POLR1A: variants seen among roughly 807,000 people sequenced by gnomAD.
POLR1A encodes DNA-directed RNA polymerase I subunit RPA1.
Under a neutral mutation model 205.3 loss-of-function variants are expected in POLR1A, and 84 were observed. That is an observed-to-expected ratio of 0.41 (90% CI 0.34 to 0.49). The LOEUF (loss-of-function observed/expected upper bound fraction) is 0.49, where lower values mean the gene tolerates loss of function less well. Among genes scored for constraint, POLR1A ranks in the 20% least tolerant of loss-of-function variants. POLR1A has a pLI of 0.22. For missense variants in POLR1A, 1,645 were observed against 2,204.5 expected, an observed-to-expected ratio of 0.75 and a Z score of 5.08; for synonymous variants, 799 against 863.7, an observed-to-expected ratio of 0.93 and a Z score of 1.31.
In POLR1A at chr2:86,023,997, C is replaced by T. The variant is rs1558758070; in HGVS notation, c.*3426G>A. The T allele has an allele frequency of 6.6e-6, 1 of 152,424 alleles. No homozygotes were observed. Among genetic ancestry groups the T allele is most frequent in the Non-Finnish European group, 1.5e-5 (1 of 68,204 alleles). 9.4% of individuals were successfully genotyped at this position (152,424 alleles called of 1,614,324 possible). A position where few individuals can be genotyped will look rare whatever the true frequency, so the allele number is the denominator to read the frequency against. On this transcript the variant is annotated 3_prime_UTR_variant, in exon 34 of 34. Coordinates refer to ENST00000263857, the MANE Select transcript of POLR1A (RefSeq NM_015425.6). ...ATCCTGACCTCAGATGATCTGCCCGCCTCGGCCTCCCAACGTATTGGGATT... is the reference window on the plus strand; with the variant it reads ...ATCCTGACCTCAGATGATCTGCCCGTCTCGGCCTCCCAACGTATTGGGATT...
chr2:86,044,495 C>T (rs1024221948), intron 21 of POLR1A, among the ~76,000 whole-genome samples, 191 bp from the exon 22 acceptor site: 1 of 152,226 alleles, frequency 6.6e-6, no homozygotes, highest in Non-Finnish European at 1.5e-5. Context: ...CCAGGGGCTG[C>T]ATTTCCTGAT....
At chr2:86,052,137 G>A (rs1222412906) in intron 16 of POLR1A, among the ~76,000 whole-genome samples, 1 of 152,210 alleles carries the variant, frequency 6.6e-6, no homozygotes, top group African/African-American at 2.4e-5. Flanking sequence ...TAGAGACGGG[G>A]TTTCTCCATG....
At chr2:86,089,042 C>G (rs1673555894) in intron 4 of POLR1A, among the ~76,000 whole-genome samples, 172 bp from the exon 5 acceptor site, 1 of 152,228 alleles carries the variant, frequency 6.6e-6, no homozygotes, top group African/African-American at 2.4e-5. Flanking sequence ...CTGACAATTA[C>G]TGAGTGACTT....
At position 86,030,465 on chromosome 2, in the gene POLR1A, A is replaced by G. The variant is rs926302194; in HGVS notation, c.4579-69T>C. 69 of 1,171,534 alleles carry G rather than the reference A, an allele frequency of 5.9e-5. No individual in the cohort carries two copies. In the Admixed American group the frequency reaches 7.2e-4, roughly 12 times the overall value. 72.6% of individuals were successfully genotyped at this position (1,171,534 alleles called of 1,614,324 possible). On this transcript the variant is annotated intron_variant, in intron 30 of 33. Coordinates refer to ENST00000263857, the MANE Select transcript of POLR1A (RefSeq NM_015425.6). ...TCCCCACAAAGAGGACTGAGGCGAG[A>G]CTCCTTCAAAACCTTTTCAGGAACT...
Position 86,040,448 on chromosome 2 carries a change from G to A in POLR1A, c.3684C>T (p.Leu1228=). ...CTCTGCCTGCAAAGTGGAAGGTGTT[G>A]AGGGTCATCTGGGTGGAGGGCTCTC... is the stretch of plus-strand genomic sequence containing the variant. ...SIGEPSTQMT[L]NTFHFAGRGE... The change falls in exon 25 of 34, where the codon CTC becomes CTT. Residue 1228 remains leucine (L), a synonymous_variant. Coordinates refer to ENST00000263857, the MANE Select transcript of POLR1A (RefSeq NM_015425.6). 1 of 1,613,722 alleles carries A rather than the reference G, an allele frequency of 6.2e-7. No individual in the cohort carries two copies. The highest frequency in any genetic ancestry group is 1.1e-5 in the South Asian group (1 of 91,040).
chr2:86,030,369 T>A lies in POLR1A; in HGVS notation c.4606A>T (p.Ile1536Phe). Reference protein sequence around the residue: ...QVTVKLPLMKINFDMSSLVVS... With the variant: ...QVTVKLPLMKFNFDMSSLVVS... The stretch of plus-strand genomic sequence containing the variant: ...ACCAGGGAGCTCATGTCAAAGTTGA[T>A]CTTCATCAGAGGGAGCTTCACTGTC... Residue 1536 changes from isoleucine to phenylalanine, a missense_variant, in exon 31 of 34, where the codon ATC (isoleucine) becomes TTC (phenylalanine). Ile to Phe is a conservative substitution (Grantham distance 21). Around this residue, in one of 16 missense-constraint regions of POLR1A, gnomAD observed 394 missense variants for 468.5 expected, o/e 0.84. Transcript: ENST00000263857. 1 of 1,614,050 alleles carries A rather than the reference T, an allele frequency of 6.2e-7. No individual in the cohort carries two copies.
At chr2:86,043,998 C>T (rs1205274187) in intron 22 of POLR1A, 141 bp downstream of exon 22, 2 of 706,714 alleles carry the variant, frequency 2.8e-6, no homozygotes, top group Non-Finnish European at 4.7e-6. Flanking sequence ...AGGGCACTGA[C>T]CGGTGTCTTA....
At chr2:86,062,717 G>A (rs1484174506) in intron 14 of POLR1A, among the ~76,000 whole-genome samples, 8 of 151,346 alleles carry the variant, frequency 5.3e-5, no homozygotes, top group African/African-American at 1.9e-4. Context: ...TCAAATCAAC[G>A]AAACAGAAAA....
rs185860139 is a variant in POLR1A at position 86,067,673 on chromosome 2, G to A, written c.1867-2208C>T. Among the ~76,000 whole-genome samples the A allele has an allele frequency of 8.7e-4, 132 of 152,236 alleles. 1 individual carries two copies. The highest frequency in any genetic ancestry group is 3.0e-3 in the African/African-American group (124 of 41,534). On this transcript the variant is annotated intron_variant, in intron 13 of 33. Coordinates refer to ENST00000263857, the MANE Select transcript of POLR1A (RefSeq NM_015425.6). ...AAATAAAGAAATATGGAAACTAAGG[G>A]AAATAAAGATATGCTAAGAAAAATT...
At chr2:86,076,063 C>T (rs72934541) in intron 11 of POLR1A, among the ~76,000 whole-genome samples, 1,845 of 152,288 alleles carry the variant, frequency 0.012, 33 homozygotes, top group African/African-American at 0.041. Context: ...ATGAAACTGA[C>T]GCATTCCTCT....
chr2:86,085,825 G>C (rs1352151441), intron 6 of POLR1A, among the ~76,000 whole-genome samples: 1 of 152,230 alleles, frequency 6.6e-6, no homozygotes, highest in African/African-American at 2.4e-5. Context: ...TCTTTCAGCT[G>C]TAAGAGGTGC....
chr2:86,062,006 T>C (rs1337547438), intron 14 of POLR1A, among the ~76,000 whole-genome samples: 1 of 152,106 alleles, frequency 6.6e-6, no homozygotes, highest in Non-Finnish European at 1.5e-5. Flanking sequence ...TTTGAACAAA[T>C]AATGAGAGAC....
chr2:86,031,295 A>C (rs758656744), intron 30 of POLR1A, 35 bp downstream of exon 30: 1 of 1,513,222 alleles, frequency 6.6e-7, no homozygotes, highest in African/African-American at 1.4e-5. Flanking sequence ...AGCTGGACCA[A>C]CCACCCAAGC....
At position 86,080,824 on chromosome 2, in the gene POLR1A, T is replaced by C. The variant is rs1208129620; in HGVS notation, c.1078A>G (p.Thr360Ala). Residue 360 changes from threonine (T) to alanine (A), a missense_variant, in exon 9 of 34, where the codon ACA (threonine) becomes GCA (alanine). Transcript: ENST00000263857. ...AACAGAGCAGCCCTGACCTCATCTG[T>C]AGTGGGTGTGGCCACTTCCTCTGGC... is the stretch of plus-strand genomic sequence containing the variant. Reference protein sequence around the residue: ...KLPEEVATPTTDEEKDSLIAI... With the variant: ...KLPEEVATPTADEEKDSLIAI... 2.5e-6 allele frequency: 4 copies of C among 1,611,586 alleles called. No homozygotes were observed. The highest frequency in any genetic ancestry group is 3.3e-5 in the Admixed American group (2 of 59,870).
rs1672284027 is a variant in POLR1A, at chr2:86,027,390, C to T, written c.*33G>A. 2 of 1,576,874 alleles carry T rather than the reference C, an allele frequency of 1.3e-6. No homozygotes were observed. The highest frequency in any genetic ancestry group is 1.3e-5 in the African/African-American group (1 of 74,176). ...CTGGGCCACGCCCTCACCAAGGGTC[C>T]TTGGAGCTGGGCAGATGGTGCCGGG... On this transcript the variant is annotated 3_prime_UTR_variant, in exon 34 of 34. Transcript: ENST00000263857.
chr2:86,063,335 CAAAAA>C (rs34298205), intron 14 of POLR1A, among the ~76,000 whole-genome samples: 67 of 41,246 alleles, frequency 1.6e-3, no homozygotes, highest in African/African-American at 5.2e-3. Context: ...AACTCCATCT[CAAAAA>C]AAAAAAAAAA....
chr2:86,081,636 C>T lies in POLR1A; in HGVS notation c.888G>A (p.Val296=). 3 of 1,610,956 alleles carry T rather than the reference C, an allele frequency of 1.9e-6. No homozygotes were observed. The highest frequency in any genetic ancestry group is 1.7e-6 in the Non-Finnish European group (2 of 1,178,762). The change falls in exon 8 of 34, where the codon GTG becomes GTA. Residue 296 remains valine, a synonymous_variant. Coordinates refer to ENST00000263857, the MANE Select transcript of POLR1A (RefSeq NM_015425.6). ...DGMESRFNPS[V]FFLDFLVVPP... ...GCACCACCAAGAAATCTAGAAAGAA[C>T]ACACTGGGATTGAATCTGGATTCCA...
chr2:86,030,365 T>C lies in POLR1A; in HGVS notation c.4610A>G (p.Asn1537Ser), dbSNP rs772323121. ...VTVKLPLMKI[N>S]FDMSSLVVSL... ...TACTACCAGGGAGCTCATGTCAAAG[T>C]TGATCTTCATCAGAGGGAGCTTCAC... Residue 1537 changes from asparagine (N) to serine (S), a missense_variant, in exon 31 of 34, where the codon AAC becomes AGC. Asn to Ser is a conservative substitution (Grantham distance 46, BLOSUM62 1). This residue lies in a region of POLR1A where 394 missense variants were observed against 468.5 expected (regional missense o/e 0.84). Coordinates refer to ENST00000263857, the MANE Select transcript of POLR1A (RefSeq NM_015425.6). 9 of 1,614,088 alleles carry C rather than the reference T, an allele frequency of 5.6e-6. No individual in the cohort carries two copies. Among genetic ancestry groups the C allele is most frequent in the Non-Finnish European group, 7.6e-6 (9 of 1,179,966 alleles).
chr2:86,105,617 G>T, intron 1 of POLR1A, 83 bp downstream of exon 1: 1 of 895,806 alleles, frequency 1.1e-6, no homozygotes, highest in East Asian at 2.5e-5. Flanking sequence ...AGGATAGACT[G>T]GGCAAAAGCG....
Sources: allele counts gnomAD v4.1 joint callset (sites outside exome capture counted in the v4.1 genomes callset), GRCh38; gene constraint gnomAD v4.1.1; regional missense constraint gnomAD v4.1.1; transcripts MANE v1.5; gene names NCBI Gene and HGNC (gene_info 2026-07-23, HGNC 2026-07-21).